Variants in POLH observed in about 807,000 individuals in gnomAD.
POLH encodes DNA polymerase eta transcript.
POLH carries 53 observed loss-of-function variants against 73.6 expected under a neutral mutation model. That is an observed-to-expected ratio of 0.72 (90% CI 0.58 to 0.91). The LOEUF is 0.91. Ranked by LOEUF, POLH falls within the 40% of genes least tolerant of loss-of-function variation. POLH has a pLI of 0.00. For synonymous variants in POLH, 292 were observed against 308.5 expected, an observed-to-expected ratio of 0.95 and a Z score of 0.56; for missense variants, 768 against 865.4, an observed-to-expected ratio of 0.89 and a Z score of 1.41.
At chr6:43,604,288 A>G (rs903296829) in intron 7 of POLH, among the ~76,000 whole-genome samples, 1 of 152,188 alleles carries the variant, frequency 6.6e-6, no homozygotes, top group South Asian at 2.1e-4. Context: ...GAGATGCTAT[A>G]TTCTCTTAAA....
chr6:43,601,957 C>T (rs1319525815), intron 6 of POLH, among the ~76,000 whole-genome samples: 1 of 152,134 alleles, frequency 6.6e-6, no homozygotes, highest in Non-Finnish European at 1.5e-5. Context: ...ACTCGGGAGG[C>T]TGAGGCAGGA....
At chr6:43,606,467 C>T (rs1474846458) in intron 9 of POLH, among the ~76,000 whole-genome samples, 1 of 151,196 alleles carries the variant, frequency 6.6e-6, no homozygotes, top group South Asian at 2.1e-4. Flanking sequence ...TTCGCTCTAT[C>T]GCCCAGGCTG....
At chr6:43,604,584 T>C (rs935066725) in intron 7 of POLH, 31 bp from the exon 8 acceptor site, 2 of 1,609,242 alleles carry the variant, frequency 1.2e-6, no homozygotes, top group African/African-American at 2.7e-5. Flanking sequence ...TCATTTAATT[T>C]CACCTTAACG....
At chr6:43,582,840 C>T (rs1390345071) in intron 2 of POLH, among the ~76,000 whole-genome samples, 167 bp from the exon 3 acceptor site, 1 of 152,114 alleles carries the variant, frequency 6.6e-6, no homozygotes, top group African/African-American at 2.4e-5. Flanking sequence ...AGCTGCTGTG[C>T]CTGGCCCTAT....
intron 5 of POLH, among the ~76,000 whole-genome samples, chr6:43,599,211 A>G (rs1051553398): frequency 3.3e-5 from 5 of 151,626 alleles, no homozygotes; most frequent in African/African-American, 1.2e-4. Context: ...CTGGTCTGGA[A>G]CTCCTGACCT....
intron 3 of POLH, among the ~76,000 whole-genome samples, chr6:43,586,714 G>A (rs1764862571): frequency 6.6e-6 from 1 of 152,156 alleles, no homozygotes; most frequent in Admixed American, 6.5e-5. Context: ...GCATGTGTGT[G>A]TATGTGGTGA....
At chr6:43,610,803 A>C in intron 10 of POLH, 80 bp downstream of exon 10, 1 of 1,210,534 alleles carries the variant, frequency 8.3e-7, no homozygotes, top group Non-Finnish European at 1.2e-6. Context: ...CATAATTTTT[A>C]TCATAAAGTT....
At chr6:43,582,568 TC>T in intron 2 of POLH, 112 bp downstream of exon 2, 1 of 1,099,230 alleles carries the variant, frequency 9.1e-7, no homozygotes, top group African/African-American at 1.5e-5. Flanking sequence ...TTCTCTGTTG[TC>T]CCATCCAGAG....
At chr6:43,598,882 A>T (rs1172723750) in intron 5 of POLH, among the ~76,000 whole-genome samples, 1 of 151,860 alleles carries the variant, frequency 6.6e-6, no homozygotes, top group Non-Finnish European at 1.5e-5. Context: ...ATATTGAGAG[A>T]TGACAGTATT....
rs755502801 is a variant in POLH at position 43,614,433 on chromosome 6, T to C, written c.2018T>C (p.Val673Ala). ...CAGCCCCACTCTTCAAACCCCCAGG[T>C]TGTTTCTGCCGTATCTCATCAAGGC... is the stretch of plus-strand genomic sequence containing the variant. The part of the protein sequence containing the change: ...FLQPHSSNPQ[V>A]VSAVSHQGKR... Residue 673 changes from valine to alanine, a missense_variant, in exon 11 of 11, where the codon GTT becomes GCT. By Grantham distance (64) the Val-to-Ala change is moderately conservative. Coordinates refer to ENST00000372236, the MANE Select transcript of POLH (RefSeq NM_006502.3). 39 of 1,614,046 alleles carry C rather than the reference T, an allele frequency of 2.4e-5. No individual in the cohort carries two copies. The highest frequency in any genetic ancestry group is 3.2e-5 in the Non-Finnish European group (38 of 1,180,040).
At chr6:43,578,374 C>T (rs568521526) in intron 1 of POLH, 130 of 428,154 alleles carry the variant, frequency 3.0e-4, no homozygotes, top group Non-Finnish European at 4.6e-4. Flanking sequence ...GCAACGAGAA[C>T]GAAACTCTAA....
intron 3 of POLH, 98 bp from the exon 4 acceptor site, chr6:43,587,174 C>T (rs939434522): frequency 2.2e-5 from 20 of 894,556 alleles, no homozygotes; most frequent in East Asian, 4.8e-5. Flanking sequence ...CTCTTGATTA[C>T]GTGTATTATT....
At chr6:43,592,587 T>A (rs1413064920) in intron 4 of POLH, among the ~76,000 whole-genome samples, 3 of 152,100 alleles carry the variant, frequency 2.0e-5, no homozygotes, top group Admixed American at 1.3e-4. Flanking sequence ...AATTTTTTTG[T>A]ATTTTTTTTA....
At chr6:43,594,898 G>A (rs1765866090) in intron 4 of POLH, among the ~76,000 whole-genome samples, 2 of 149,236 alleles carry the variant, frequency 1.3e-5, no homozygotes, top group Non-Finnish European at 3.0e-5. Context: ...GCCATACATG[G>A]TGGTTTACAC....
chr6:43,590,282 C>A (rs1005331875), intron 4 of POLH, among the ~76,000 whole-genome samples: 1 of 151,218 alleles, frequency 6.6e-6, no homozygotes, highest in African/African-American at 2.4e-5. Context: ...TCCTTAAACC[C>A]GGAAGGAGGA....
chr6:43,613,238 A>G (rs905872780), intron 10 of POLH, among the ~76,000 whole-genome samples: 1 of 152,202 alleles, frequency 6.6e-6, no homozygotes, highest in African/African-American at 2.4e-5. Context: ...ATAATGGCTA[A>G]GAGGATTTTT....
chr6:43,582,567 G>A lies in POLH; in HGVS notation c.137+111G>A, dbSNP rs1429094636. On this transcript the variant is annotated intron_variant, in intron 2 of 10. Transcript: ENST00000372236. Reference sequence around the variant, plus strand: ...GGTGGTGACAGGGCCTTTCTCTGTTGTCCCATCCAGAGCGCAGTGGCACCA... The same window carrying A: ...GGTGGTGACAGGGCCTTTCTCTGTTATCCCATCCAGAGCGCAGTGGCACCA... The A allele has an allele frequency of 5.5e-6, 6 of 1,099,408 alleles. No individual in the cohort carries two copies. In the Admixed American group the frequency reaches 6.7e-5, roughly 12 times the overall value. The allele number at this position is 1,099,408 out of a possible 1,614,324, so 68.1% of individuals were successfully genotyped here.
chr6:43,601,616 C>G (rs2127800650), intron 6 of POLH, among the ~76,000 whole-genome samples: 1 of 151,986 alleles, frequency 6.6e-6, no homozygotes, highest in Admixed American at 6.6e-5. Flanking sequence ...GTGGCAGATA[C>G]TTAATCCTGA....
At position 43,619,668 on chromosome 6, in the gene POLH, T is replaced by C. The variant is rs1339508235; in HGVS notation, c.*5111T>C. On this transcript the variant is annotated 3_prime_UTR_variant, in exon 11 of 11. Coordinates refer to ENST00000372236, the MANE Select transcript of POLH (RefSeq NM_006502.3). ...TTCCTGGAGATGTCTTATTAAGTAC[T>C]GAAATGTGATTTTCCAAAATTTTCT... Among the ~76,000 whole-genome samples, 3 of 152,234 alleles carry C rather than the reference T, an allele frequency of 2.0e-5. No individual in the cohort carries two copies. The highest frequency in any genetic ancestry group is 4.4e-5 in the Non-Finnish European group (3 of 68,038).
Sources: allele counts gnomAD v4.1 joint callset (sites outside exome capture counted in the v4.1 genomes callset), GRCh38; gene constraint gnomAD v4.1.1; transcripts MANE v1.5; gene names NCBI Gene and HGNC (gene_info 2026-07-23, HGNC 2026-07-21).